The following RBM10 variants were observed in gnomAD, a reference collection of about 807,000 sequenced individuals.
The protein encoded by RBM10 is RNA binding motif protein 10.
RBM10 carries 1 observed loss-of-function variant against 84.9 expected under a neutral mutation model. That is an observed-to-expected ratio of 0.01 (90% CI 0.00 to 0.06). RBM10 has a LOEUF of 0.06. Ranked by LOEUF, RBM10 falls within the 10% of genes least tolerant of loss-of-function variation. The pLI, the probability that RBM10 is intolerant of heterozygous loss-of-function variation, is 1.00. For synonymous variants in RBM10, 326 were observed against 344.5 expected (o/e 0.95, Z 0.60); for missense variants, 438 against 839.0 (o/e 0.52, Z 5.90).
At chrX:47,167,396 T>A (rs1310089669) in intron 2 of RBM10, among the ~76,000 whole-genome samples, 1 of 103,988 alleles carries the variant, frequency 9.6e-6, no homozygotes, top group Non-Finnish European at 1.9e-5. Context: ...TTTTTTTTTT[T>A]AAGACAGAGT....
At chrX:47,157,288 C>T (rs781802235) in intron 2 of RBM10, 176 of 328,850 alleles carry the variant, frequency 5.4e-4, no homozygotes, top group African/African-American at 3.1e-3. Context: ...TTGCTGACCA[C>T]GAACACCTTG....
At chrX:47,173,665 C>T (rs1934847546) in intron 5 of RBM10, among the ~76,000 whole-genome samples, 2 of 112,360 alleles carry the variant, frequency 1.8e-5, no homozygotes, top group African/African-American at 6.5e-5. Flanking sequence ...TGGCTCTTAT[C>T]CAAGGACACA....
At chrX:47,180,107 T>C in intron 10 of RBM10, 67 bp downstream of exon 10, 1 of 1,192,134 alleles carries the variant, frequency 8.4e-7, no homozygotes, top group South Asian at 1.8e-5. Context: ...ACGAGGGTCC[T>C]TTTCCCCAGC....
chrX:47,174,419 G>A (rs1394476523), intron 5 of RBM10, among the ~76,000 whole-genome samples: 2 of 111,589 alleles, frequency 1.8e-5, no homozygotes, highest in East Asian at 5.7e-4. Context: ...CTGCGCTGCG[G>A]TGAGGCTGAG....
chrX:47,169,590 C>T (rs1359079843), intron 3 of RBM10, 92 bp downstream of exon 3: 19 of 943,973 alleles, frequency 2.0e-5, no homozygotes, highest in South Asian at 8.7e-5. Flanking sequence ...AGGCAGCTCT[C>T]CACTCCCGTG....
At position 47,177,313 on chromosome X, in the gene RBM10, A is replaced by G. The variant is rs1475311638; in HGVS notation, c.663+727A>G. 3.6e-5 allele frequency among the ~76,000 whole-genome samples: 4 copies of G among 112,184 alleles called. No homozygotes were observed. In the East Asian group the frequency reaches 1.1e-3, roughly 31 times the overall value. ...CTCTGTCTTCCCTGAGGGGAAGCTG[A>G]GGCTCAGAGAGGTGGAACCATGGGT... On this transcript the variant is annotated intron_variant, in intron 7 of 23. Transcript: ENST00000377604.
chrX:47,158,732 G>A lies in RBM10; in HGVS notation c.18-10583G>A, dbSNP rs782681132. Among the ~76,000 whole-genome samples the A allele has an allele frequency of 2.0e-4, 22 of 111,745 alleles. No individual in the cohort carries two copies. In the South Asian group the frequency reaches 3.7e-3, roughly 19 times the overall value. On this transcript the variant is annotated intron_variant, in intron 2 of 23. Coordinates refer to ENST00000377604, the MANE Select transcript of RBM10 (RefSeq NM_005676.5). ...AGGTTTTTTTACATGGGTAAATTGC[G>A]TGACACTGAAGCTTGAGGCCCCGTT...
At chrX:47,145,621 GTTTTTTTTTTTTTGGTTTTTTTTTTT>G (rs1932073295) in intron 1 of RBM10, 136 bp downstream of exon 1, 2 of 186,637 alleles carry the variant, frequency 1.1e-5, no homozygotes, top group East Asian at 1.0e-4. Context: ...ACCCGGGAGG[GTTTTTTTTTTTTTGGTTTTTTTTTTT>G]TTTTTTTTTT....
chrX:47,180,316 G>A lies in RBM10; in HGVS notation c.1160+7G>A. On this transcript the variant is annotated splice_region_variant and intron_variant, in intron 11 of 23. Coordinates refer to ENST00000377604, the MANE Select transcript of RBM10 (RefSeq NM_005676.5). ...TTGCCAAGGGTTCTAAGAGGTCAGG[G>A]CCCCACCTGTGTGCCTTCCCACCCT... 8.4e-7 allele frequency: 1 copy of A among 1,188,143 alleles called. No homozygotes were observed. Among genetic ancestry groups the A allele is most frequent in the Admixed American group, 2.3e-5 (1 of 43,303 alleles).
At chrX:47,146,554 CTCCCTGAGTTCTCACCACA>C (rs1932246818) in intron 1 of RBM10, among the ~76,000 whole-genome samples, 1 of 111,580 alleles carries the variant, frequency 9.0e-6, no homozygotes, top group Non-Finnish European at 1.9e-5. Flanking sequence ...GTTCTCAGGA[CTCCCTGAGTTCTCACCACA>C]GCCCTGAGGG....
intron 2 of RBM10, among the ~76,000 whole-genome samples, chrX:47,148,247 A>G (rs1932462336): frequency 8.9e-6 from 1 of 112,663 alleles, no homozygotes; most frequent in African/African-American, 3.2e-5. Flanking sequence ...AAGTGAGCCC[A>G]AATTTGAGAT....
intron 2 of RBM10, among the ~76,000 whole-genome samples, chrX:47,149,149 T>C (rs1391221267): frequency 2.7e-5 from 3 of 111,534 alleles, no homozygotes; most frequent in Non-Finnish European, 5.7e-5. Flanking sequence ...TCGTTTTGTT[T>C]CCTGAACTTT....
intron 4 of RBM10, among the ~76,000 whole-genome samples, chrX:47,172,758 C>A (rs1186804594): frequency 1.8e-5 from 2 of 112,313 alleles, no homozygotes; most frequent in African/African-American, 6.5e-5. Flanking sequence ...AATTGCATCC[C>A]AGGTTTCCTT....
intron 2 of RBM10, among the ~76,000 whole-genome samples, chrX:47,164,338 A>G (rs959696415): frequency 2.7e-5 from 3 of 110,789 alleles, no homozygotes; most frequent in African/African-American, 9.8e-5. Flanking sequence ...AGGATTCATG[A>G]CCAGCTTGAC....
chrX:47,173,092 T>C (rs1556774238), intron 4 of RBM10, 36 bp from the exon 5 acceptor site: 1 of 1,211,933 alleles, frequency 8.3e-7, no homozygotes, highest in Non-Finnish European at 1.1e-6. Flanking sequence ...GGCCCCATTG[T>C]GCTGAGCCTG....
chrX:47,155,935 G>A (rs1430280467), intron 2 of RBM10, among the ~76,000 whole-genome samples: 1 of 103,313 alleles, frequency 9.7e-6, no homozygotes, highest in South Asian at 4.6e-4. Context: ...TCAGCCTCCC[G>A]AGTAGCTAGG....
chrX:47,155,316 A>C (rs1291581417), intron 2 of RBM10, among the ~76,000 whole-genome samples: 2 of 111,388 alleles, frequency 1.8e-5, no homozygotes, highest in Non-Finnish European at 3.8e-5. Flanking sequence ...TTGTTTAAAA[A>C]AATGGAAGTC....
chrX:47,156,729 G>A lies in RBM10; in HGVS notation c.17+9231G>A, dbSNP rs904251114. ...GGTGGTGCAGCAGAGTCTCGGGTGC[G>A]GCAGCTTGGAGGTACTACCCACATA... On this transcript the variant is annotated intron_variant, in intron 2 of 23. Transcript: ENST00000377604. 4 of 161,818 alleles carry A rather than the reference G, an allele frequency of 2.5e-5. No individual in the cohort carries two copies. The East Asian group carries it at 1.0e-3, about 41-fold the overall frequency. The allele number at this position is 161,818 out of a possible 1,213,427, so 13.3% of individuals were successfully genotyped here. A position where few individuals can be genotyped will look rare whatever the true frequency, so the allele number is the denominator to read the frequency against.
At chrX:47,171,916 C>G (rs963701097) in intron 4 of RBM10, among the ~76,000 whole-genome samples, 6 of 111,847 alleles carry the variant, frequency 5.4e-5, no homozygotes, top group African/African-American at 1.6e-4. Flanking sequence ...CCCATGAATT[C>G]TCTGATCAGC....
Sources: allele counts gnomAD v4.1 joint callset (sites outside exome capture counted in the v4.1 genomes callset), GRCh38; gene constraint gnomAD v4.1.1; transcripts MANE v1.5; gene names NCBI Gene and HGNC (gene_info 2026-07-23, HGNC 2026-07-21).